Variants in SLC39A10 observed in about 807,000 individuals in gnomAD.
SLC39A10 encodes the protein zinc transporter ZIP10.
Under a neutral mutation model 65.1 loss-of-function variants are expected in SLC39A10, and 13 were observed. That is an observed-to-expected ratio of 0.20 (90% CI 0.13 to 0.32). SLC39A10 has a LOEUF of 0.32. Among genes scored for constraint, SLC39A10 ranks in the 10% least tolerant of loss-of-function variants. The probability of loss-of-function intolerance (pLI) is 1.00; values close to 1 mark genes in which losing one functional copy is unlikely to be tolerated. For missense variants in SLC39A10, 831 were observed against 1,018.4 expected (o/e 0.82, Z 2.50); for synonymous variants, 321 against 342.2 (o/e 0.94, Z 0.68).
In SLC39A10 at chr2:195,735,805, A is replaced by ATTTTTTTTTTTTTTTTTT. The variant is rs55916294; in HGVS notation, c.*765_*782dup. 1 of 124,378 alleles carries ATTTTTTTTTTTTTTTTTT rather than the reference A, an allele frequency of 8.0e-6. No individual in the cohort carries two copies. The highest frequency in any genetic ancestry group is 1.7e-5 in the Non-Finnish European group (1 of 60,136). The allele number at this position is 124,378 out of a possible 1,614,324, so 7.7% of individuals were successfully genotyped here. Reference sequence around the variant, plus strand: ...TGTTTTTTACTTTAATTTTGTTTTGATTTTTTTTTTTTTTTTTTGGCGGGG... The same window carrying ATTTTTTTTTTTTTTTTTT: ...TGTTTTTTACTTTAATTTTGTTTTGATTTTTTTTTTTTTTTTTTTTTTTTTTTTTTTTTTTTGGCGGGG... On this transcript the variant is annotated 3_prime_UTR_variant, in exon 10 of 10. Coordinates refer to ENST00000359634, the MANE Select transcript of SLC39A10 (RefSeq NM_020342.3).
intron 2 of SLC39A10, among the ~76,000 whole-genome samples, chr2:195,624,077 A>T (rs577387851): frequency 6.6e-6 from 1 of 152,242 alleles, no homozygotes; most frequent in Non-Finnish European, 1.5e-5. Context: ...TGATCCCTTC[A>T]GCTGTATTTG....
At chr2:195,733,790 A>G (rs983296425) in intron 9 of SLC39A10, among the ~76,000 whole-genome samples, 22 of 152,096 alleles carry the variant, frequency 1.4e-4, no homozygotes, top group Non-Finnish European at 3.2e-4. Flanking sequence ...TCGGCCTCTC[A>G]AAACTGCTGG....
At chr2:195,683,666 C>T (rs1336200798) in intron 2 of SLC39A10, 33 bp from the exon 3 acceptor site, 1 of 1,543,402 alleles carries the variant, frequency 6.5e-7, no homozygotes, top group Non-Finnish European at 8.9e-7. Flanking sequence ...TAAAGACACT[C>T]TTATTTAATT....
At chr2:195,655,265 CA>C (rs1326748053), upstream of SLC39A10, among the ~76,000 whole-genome samples, 2 of 152,094 alleles carry the variant, frequency 1.3e-5, no homozygotes, top group African/African-American at 4.8e-5. Context: ...AGCTGTTAAC[CA>C]ACTTGCATTG....
chr2:195,650,675 T>G (rs1181642433), intron 2 of SLC39A10, among the ~76,000 whole-genome samples: 1 of 152,162 alleles, frequency 6.6e-6, no homozygotes, highest in Non-Finnish European at 1.5e-5. Flanking sequence ...GTTGCTTAAA[T>G]TTTTGTGTCA....
At position 195,680,716 on chromosome 2, in the gene SLC39A10, A is replaced by C. The variant is rs767145986; in HGVS notation, c.674A>C (p.Asp225Ala). The change falls in exon 2 of 10, where the codon GAT becomes GCT. Residue 225 changes from aspartate to alanine, a missense_variant. Coordinates refer to ENST00000359634, the MANE Select transcript of SLC39A10 (RefSeq NM_020342.3). ...ACCAATAAAACCCAGGAACAATCTGATGTTAAACTACCGAAAGGAAAGAGG... is the reference window on the plus strand; with the variant it reads ...ACCAATAAAACCCAGGAACAATCTGCTGTTAAACTACCGAAAGGAAAGAGG... ...TETNKTQEQS[D>A]VKLPKGKRKK... 2 of 1,614,142 alleles carry C rather than the reference A, an allele frequency of 1.2e-6. No homozygotes were observed. The highest frequency in any genetic ancestry group is 2.7e-5 in the African/African-American group (2 of 75,020).
chr2:195,704,638 G>T (rs1175531922), intron 3 of SLC39A10, among the ~76,000 whole-genome samples: 1 of 152,026 alleles, frequency 6.6e-6, no homozygotes, highest in African/African-American at 2.4e-5. Flanking sequence ...AACTAGCCTG[G>T]TGATCATCAT....
At chr2:195,616,764 T>C (rs888996139) in intron 2 of SLC39A10, among the ~76,000 whole-genome samples, 14 of 151,872 alleles carry the variant, frequency 9.2e-5, no homozygotes, top group Non-Finnish European at 1.5e-4. Context: ...CCACCACGCC[T>C]GGCTAATTTT....
Position 195,736,904 on chromosome 2 carries a change from A to C in SLC39A10, c.*1863A>C, listed in dbSNP as rs1016311766. The C allele has an allele frequency of 6.6e-6, 1 of 152,412 alleles. No homozygotes were observed. The highest frequency in any genetic ancestry group is 2.4e-5 in the African/African-American group (1 of 41,400). The allele number at this position is 152,412 out of a possible 1,614,324, so 9.4% of individuals were successfully genotyped here. A position where few individuals can be genotyped will look rare whatever the true frequency, so the allele number is the denominator to read the frequency against. ...GATATCTATCTATCTAGATTTCTGA[A>C]CCAAGATATATTTATAGTTCACTTT... is the stretch of plus-strand genomic sequence containing the variant. On this transcript the variant is annotated 3_prime_UTR_variant, in exon 10 of 10. Transcript: ENST00000359634.
chr2:195,683,959 T>G (rs1448484642), intron 3 of SLC39A10, 53 bp downstream of exon 3: 1 of 1,208,612 alleles, frequency 8.3e-7, no homozygotes, highest in African/African-American at 1.5e-5. Flanking sequence ...TACTTACTTT[T>G]TAAACTATAG....
At chr2:195,717,215 G>A (rs1691848986) in intron 7 of SLC39A10, 1 of 504,012 alleles carries the variant, frequency 2.0e-6, no homozygotes, top group Non-Finnish European at 3.4e-6. Context: ...ACAAATGTCT[G>A]TAGTATATTT....
intron 2 of SLC39A10, among the ~76,000 whole-genome samples, chr2:195,635,002 C>T (rs949442488): frequency 2.6e-5 from 4 of 152,030 alleles, no homozygotes; most frequent in South Asian, 2.1e-4. Context: ...GAGCTGAGAT[C>T]GCACCACTGC....
chr2:195,706,524 T>C lies in SLC39A10; in HGVS notation c.1217-92T>C. 14 of 1,247,636 alleles carry C rather than the reference T, an allele frequency of 1.1e-5. 1 individual carries two copies. In the South Asian group the frequency reaches 1.7e-4, roughly 15 times the overall value. The allele number at this position is 1,247,636 out of a possible 1,614,324, so 77.3% of individuals were successfully genotyped here. On this transcript the variant is annotated intron_variant, in intron 3 of 9. Coordinates refer to ENST00000359634, the MANE Select transcript of SLC39A10 (RefSeq NM_020342.3). ...AATCTGGGTAAAATAGTCTACCTTC[T>C]ACGATTCATTTATCTTATATTTTTA...
At chr2:195,687,705 G>A (rs185234385) in intron 3 of SLC39A10, among the ~76,000 whole-genome samples, 34 of 152,262 alleles carry the variant, frequency 2.2e-4, no homozygotes, top group African/African-American at 7.9e-4. Context: ...AGGTTAACTT[G>A]TTCTATATAA....
At chr2:195,703,141 CCCT>C (rs926303914) in intron 3 of SLC39A10, among the ~76,000 whole-genome samples, 4 of 152,096 alleles carry the variant, frequency 2.6e-5, no homozygotes, top group Non-Finnish European at 5.9e-5. Flanking sequence ...TTGAAATACC[CCCT>C]ATCTCATAGA....
At chr2:195,633,551 T>C (rs189054923) in intron 2 of SLC39A10, among the ~76,000 whole-genome samples, 2 of 152,316 alleles carry the variant, frequency 1.3e-5, no homozygotes, top group East Asian at 3.9e-4. Context: ...GACAGCCTGC[T>C]GTATCCCGAG....
intron 7 of SLC39A10, 50 bp downstream of exon 7, chr2:195,717,055 T>A: frequency 6.4e-7 from 1 of 1,556,930 alleles, no homozygotes. Context: ...GACTATAATA[T>A]GTATGATTAA....
Position 195,708,047 on chromosome 2 carries a change from T to C in SLC39A10, c.1387-609T>C, listed in dbSNP as rs552283829. Among the ~76,000 whole-genome samples, 161 of 152,252 alleles carry C rather than the reference T, an allele frequency of 1.1e-3. 2 individuals carry two copies. The highest frequency in any genetic ancestry group is 3.7e-3 in the African/African-American group (154 of 41,558). ...GAAAATTACATATTTAAGGATACCC[T>C]CTTGCTAACTTTCCACAGTATATGC... On this transcript the variant is annotated intron_variant, in intron 4 of 9. Coordinates refer to ENST00000359634, the MANE Select transcript of SLC39A10 (RefSeq NM_020342.3).
rs776287814 is a variant in SLC39A10 at position 195,681,061 on chromosome 2, A to G, written c.1008+11A>G. 6.9e-6 allele frequency: 11 copies of G among 1,591,210 alleles called. No individual in the cohort carries two copies. Among genetic ancestry groups the G allele is most frequent in the African/African-American group, 1.3e-5 (1 of 74,140 alleles). On this transcript the variant is annotated intron_variant, in intron 2 of 9. Coordinates refer to ENST00000359634, the MANE Select transcript of SLC39A10 (RefSeq NM_020342.3). Reference sequence around the variant, plus strand: ...GACCATCATCATGAAGTAAGTATAAAAAGATGTCCGATAGCTGCTTCGTAA... The same window carrying G: ...GACCATCATCATGAAGTAAGTATAAGAAGATGTCCGATAGCTGCTTCGTAA...
Sources: allele counts gnomAD v4.1 joint callset (sites outside exome capture counted in the v4.1 genomes callset), GRCh38; gene constraint gnomAD v4.1.1; transcripts MANE v1.5; gene names NCBI Gene and HGNC (gene_info 2026-07-23, HGNC 2026-07-21).